NLRP9: variants seen among roughly 807,000 people sequenced by gnomAD.
NLRP9 encodes NLR family pyrin domain containing 9.
NLRP9 carries 88 observed loss-of-function variants against 83.1 expected under a neutral mutation model. The ratio of observed to expected loss-of-function variants is 1.06; its 90% confidence interval spans 0.89 to 1.26. NLRP9 has a LOEUF of 1.26. Among genes scored for constraint, NLRP9 ranks in the 50% most tolerant of loss-of-function variants. The pLI is 0.00. For synonymous variants in NLRP9, 521 were observed against 447.6 expected, an observed-to-expected ratio of 1.16 and a Z score of -2.07; for missense variants, 1,308 against 1,179.3, an observed-to-expected ratio of 1.11 and a Z score of -1.60.
Position 55,732,213 on chromosome 19 carries a change from T to C in NLRP9, c.1618A>G (p.Ile540Val). The C allele has an allele frequency of 6.2e-7, 1 of 1,613,794 alleles. No homozygotes were observed. The change falls in exon 2 of 9, where the codon ATA becomes GTA. Residue 540 changes from isoleucine (I) to valine (V), a missense_variant. Transcript: ENST00000332836. ...LSQCEADREA[I>V]AFQELFIGLF... ...CCAATGAATAGTTCCTGGAAAGCTA[T>C]GGCTTCCCTATCAGCTTCACATTGA... is the stretch of plus-strand genomic sequence containing the variant.
At chr19:55,718,094 T>C (rs551353884) in intron 4 of NLRP9, among the ~76,000 whole-genome samples, 3 of 152,354 alleles carry the variant, frequency 2.0e-5, no homozygotes, top group South Asian at 2.1e-4. Context: ...CTGTGCAGCA[T>C]GTGCCTTGTT....
intron 3 of NLRP9, among the ~76,000 whole-genome samples, chr19:55,726,108 A>G (rs1215085052): frequency 6.6e-6 from 1 of 152,152 alleles, no homozygotes; most frequent in African/African-American, 2.4e-5. Flanking sequence ...CAAAAAGGAC[A>G]GGAATATCCG....
At chr19:55,729,169 C>T (rs1277514976) in intron 3 of NLRP9, among the ~76,000 whole-genome samples, 1 of 147,246 alleles carries the variant, frequency 6.8e-6, no homozygotes, top group Non-Finnish European at 1.5e-5. Flanking sequence ...AAGCAAAGGT[C>T]ATCCCTAACC....
chr19:55,734,026 C>A (rs1158191747), intron 1 of NLRP9, among the ~76,000 whole-genome samples: 2 of 149,408 alleles, frequency 1.3e-5, no homozygotes, highest in East Asian at 3.9e-4. Flanking sequence ...GGGTTCACGC[C>A]ATTCTCCTGC....
At chr19:55,722,525 C>T (rs1297956878) in intron 4 of NLRP9, among the ~76,000 whole-genome samples, 1 of 152,168 alleles carries the variant, frequency 6.6e-6, no homozygotes, top group African/African-American at 2.4e-5. Flanking sequence ...CTGTCAATTA[C>T]ATTTTTGACG....
rs1988605485 is a variant in NLRP9, at chr19:55,732,448, T to G, written c.1383A>C (p.Arg461=). Residue 461 remains arginine (R), a synonymous_variant, in exon 2 of 9, where the codon CGA becomes CGC. Coordinates refer to ENST00000332836, the MANE Select transcript of NLRP9 (RefSeq NM_176820.4). ...TGGCCGGGTTAGGATCGTCTTTGGG[T>G]CGTTTGAGCAAATAAAACATGGCGG... ...FCAAMFYLLK[R]PKDDPNPAIG... 1.9e-6 allele frequency: 3 copies of G among 1,614,128 alleles called. No individual in the cohort carries two copies. Among genetic ancestry groups the G allele is most frequent in the Non-Finnish European group, 1.7e-6 (2 of 1,180,018 alleles).
At chr19:55,726,045 G>T (rs771875599) in intron 3 of NLRP9, among the ~76,000 whole-genome samples, 3 of 151,764 alleles carry the variant, frequency 2.0e-5, no homozygotes, top group Non-Finnish European at 4.4e-5. Flanking sequence ...AAGAAAAACA[G>T]CAAACCCCCT....
intron 8 of NLRP9, among the ~76,000 whole-genome samples, chr19:55,710,702 G>C (rs1018383744): frequency 6.6e-6 from 1 of 152,182 alleles, no homozygotes; most frequent in Admixed American, 6.6e-5. Flanking sequence ...ATGATTCAAA[G>C]TTTCCTGTGG....
chr19:55,716,197 T>C (rs912735353), intron 5 of NLRP9, among the ~76,000 whole-genome samples: 1 of 152,090 alleles, frequency 6.6e-6, no homozygotes. Context: ...AGTGTATGCA[T>C]ATATCAGAAC....
chr19:55,730,886 G>A (rs879051469), intron 2 of NLRP9, among the ~76,000 whole-genome samples: 1 of 151,968 alleles, frequency 6.6e-6, no homozygotes, highest in East Asian at 1.9e-4. Context: ...TCACAAACCT[G>A]CACATCCTGC....
rs749482114 is a variant in NLRP9 at position 55,715,009 on chromosome 19, CAA to C, written c.2501+44_2501+45del. On this transcript the variant is annotated intron_variant, in intron 6 of 8. Coordinates refer to ENST00000332836, the MANE Select transcript of NLRP9 (RefSeq NM_176820.4). ...ATGTCTTTCCTAGAGCCACAGTATC[CAA>C]AAAAAGAAACCCTGACATTGAAGCA... 7 of 1,550,560 alleles carry C rather than the reference CAA, an allele frequency of 4.5e-6. No homozygotes were observed. The East Asian group carries it at 1.6e-4, about 35-fold the overall frequency.
At chr19:55,736,990 C>T (rs114591721) in intron 1 of NLRP9, among the ~76,000 whole-genome samples, 2,640 of 151,860 alleles carry the variant, frequency 0.017, 59 homozygotes, top group East Asian at 0.14. Flanking sequence ...CAGAAGTAAA[C>T]GTAACAGAAG....
chr19:55,712,561 GA>G lies in NLRP9; in HGVS notation c.2530del (p.Ser844ProfsTer15). On this transcript the variant is annotated frameshift_variant, in exon 7 of 9. Transcript: ENST00000332836. LOFTEE classifies it high-confidence loss of function. ...WLMGCFLTSD[S>X]CKDIAAVLIC... ...AAGAACAGCAGCAATGTCCTTACAG[GA>G]ATCGGAAGTAAGGAAACAGCCCATC... 6.2e-7 allele frequency: 1 copy of G among 1,612,452 alleles called. No individual in the cohort carries two copies. The highest frequency in any genetic ancestry group is 8.5e-7 in the Non-Finnish European group (1 of 1,179,864).
chr19:55,711,317 C>A, intron 8 of NLRP9: 2 of 963,926 alleles, frequency 2.1e-6, no homozygotes, highest in Admixed American at 5.7e-5. Context: ...AAAATTCATC[C>A]TACAGATTTC....
At chr19:55,719,020 G>A (rs1988133530) in intron 4 of NLRP9, among the ~76,000 whole-genome samples, 1 of 152,180 alleles carries the variant, frequency 6.6e-6, no homozygotes, top group African/African-American at 2.4e-5. Flanking sequence ...TAAATTAGGT[G>A]AGAGTCAGAT....
Position 55,730,010 on chromosome 19 carries a change from T to C in NLRP9, c.1833-18A>G, listed in dbSNP as rs779515619. Reference sequence around the variant, plus strand: ...CATTGTAACTATGAGAGAACAAAGATTGTGATTCTCCAGTGGCTAAACTCA... The same window carrying C: ...CATTGTAACTATGAGAGAACAAAGACTGTGATTCTCCAGTGGCTAAACTCA... On this transcript the variant is annotated intron_variant, in intron 2 of 8. Transcript: ENST00000332836. 1.2e-5 allele frequency: 20 copies of C among 1,604,984 alleles called. No individual in the cohort carries two copies. Among genetic ancestry groups the C allele is most frequent in the African/African-American group, 5.4e-5 (4 of 74,340 alleles).
At chr19:55,728,390 C>T (rs1323507114) in intron 3 of NLRP9, among the ~76,000 whole-genome samples, 2 of 152,084 alleles carry the variant, frequency 1.3e-5, no homozygotes, top group Non-Finnish European at 2.9e-5. Flanking sequence ...GCCTGGCCAA[C>T]ATGATGAAAC....
chr19:55,714,856 A>G (rs1323984365), intron 6 of NLRP9, among the ~76,000 whole-genome samples, 199 bp downstream of exon 6: 1 of 151,288 alleles, frequency 6.6e-6, no homozygotes, highest in Non-Finnish European at 1.5e-5. Context: ...GGTGTGGGAG[A>G]CTCCACCCTC....
intron 1 of NLRP9, 34 bp downstream of exon 1, chr19:55,738,061 C>G (rs373516419): frequency 4.6e-5 from 74 of 1,606,050 alleles, no homozygotes; most frequent in Non-Finnish European, 6.0e-5. Flanking sequence ...CCAGGCTTCC[C>G]CCATGGGTCC....
Sources: gnomAD v4.1 joint callset for allele counts (sites outside exome capture counted in the v4.1 genomes callset) on GRCh38, gnomAD v4.1.1 for gene constraint, MANE v1.5 for transcripts, NCBI Gene and HGNC (gene_info 2026-07-23, HGNC 2026-07-21) for gene names.